The following CFAP99 variants were observed in gnomAD, a reference collection of about 807,000 sequenced individuals.
The protein encoded by CFAP99 is cilia- and flagella-associated protein 99.
CFAP99 carries 84 observed loss-of-function variants against 82.7 expected under a neutral mutation model. The observed-to-expected ratio is 1.02, with a 90% CI of 0.85 to 1.22. CFAP99 has a LOEUF of 1.22. Ranked by LOEUF, CFAP99 falls within the 50% of genes most tolerant of loss-of-function variation. The probability of loss-of-function intolerance (pLI) is 0.00; values close to 1 mark genes in which losing one functional copy is unlikely to be tolerated. For synonymous variants in CFAP99, 456 were observed against 429.5 expected (o/e 1.06, Z -0.76); for missense variants, 1,059 against 983.5 (o/e 1.08, Z -1.03).
At chr4:2,430,198 C>G (rs113565381) in intron 2 of CFAP99, among the ~76,000 whole-genome samples, 1 of 135,220 alleles carries the variant, frequency 7.4e-6, no homozygotes, top group Non-Finnish European at 1.6e-5. Flanking sequence ...ATAAACCAAA[C>G]GGCAGACTCC....
intron 6 of CFAP99, 105 bp from the exon 7 acceptor site, chr4:2,449,565 C>G: frequency 3.0e-6 from 3 of 1,010,670 alleles, no homozygotes; most frequent in Non-Finnish European, 4.4e-6. Flanking sequence ...GCCGCCACCA[C>G]CCTCCCCTTC....
intron 14 of CFAP99, among the ~76,000 whole-genome samples, chr4:2,460,517 C>T (rs1381434932): frequency 2.0e-5 from 3 of 152,224 alleles, no homozygotes; most frequent in Non-Finnish European, 4.4e-5. Context: ...ACCATATGTG[C>T]TTCACGTAGC....
At chr4:2,422,902 G>A (rs967103268) in intron 1 of CFAP99, among the ~76,000 whole-genome samples, 2 of 152,178 alleles carry the variant, frequency 1.3e-5, no homozygotes, top group East Asian at 3.9e-4. Flanking sequence ...AACCTCCTGG[G>A]CTCAAGGGAT....
At chr4:2,427,276 C>T (rs1030971448) in intron 2 of CFAP99, 1 of 153,244 alleles carries the variant, frequency 6.5e-6, no homozygotes, top group East Asian at 1.9e-4. Flanking sequence ...CTCCCTGTCA[C>T]CTGGTCTCAG....
intron 6 of CFAP99, among the ~76,000 whole-genome samples, chr4:2,449,177 G>T (rs1011849497): frequency 1.3e-5 from 2 of 151,960 alleles, no homozygotes; most frequent in African/African-American, 4.8e-5. Context: ...CCATATTATC[G>T]GAGCCTCCTG....
intron 8 of CFAP99, 189 bp downstream of exon 8, chr4:2,450,194 C>A: frequency 1.6e-6 from 1 of 622,340 alleles, no homozygotes; most frequent in Non-Finnish European, 2.9e-6. Flanking sequence ...CCTAAGCAGG[C>A]GGGTGTAGAC....
At chr4:2,458,972 C>G in intron 12 of CFAP99, 108 bp downstream of exon 12, 2 of 1,450,396 alleles carry the variant, frequency 1.4e-6, no homozygotes, top group African/African-American at 2.8e-5. Context: ...GGTCAGGGAC[C>G]CCTTGAGGGA....
Position 2,462,579 on chromosome 4 carries a change from C to A in CFAP99, c.1798C>A (p.Pro600Thr). The change falls in exon 15 of 15, where the codon CCG becomes ACG. Residue 600 changes from proline to threonine, a missense_variant. By Grantham distance (38) the Pro-to-Thr change is conservative. Coordinates refer to ENST00000635017, the Ensembl canonical transcript of CFAP99. The surrounding 1 kb of genome is among the most constrained non-coding windows in gnomAD (Gnocchi z 4.1). ...GGCGGCCTTGCTGCACGTGTCGGCG[C>A]CGCGGACCGCGCGCCCCAAGCCCCG... The A allele has an allele frequency of 7.0e-7, 1 of 1,430,654 alleles. No individual in the cohort carries two copies. The highest frequency in any genetic ancestry group is 1.4e-5 in the South Asian group (1 of 71,368). 88.6% of individuals were successfully genotyped at this position (1,430,654 alleles called of 1,614,324 possible). A position where few individuals can be genotyped will look rare whatever the true frequency, so the allele number is the denominator to read the frequency against.
At chr4:2,458,259 T>C (rs1734482095) in intron 11 of CFAP99, among the ~76,000 whole-genome samples, 1 of 152,248 alleles carries the variant, frequency 6.6e-6, no homozygotes, top group African/African-American at 2.4e-5. Flanking sequence ...CACAACGTAT[T>C]ACCAAGTTTT....
intron 2 of CFAP99, 39 bp from the exon 3 acceptor site, chr4:2,436,835 G>A (rs1171810438): frequency 2.4e-5 from 33 of 1,357,574 alleles, no homozygotes; most frequent in Admixed American, 6.5e-5. Flanking sequence ...CTTTCCTCCC[G>A]GCCCAGCCAG....
chr4:2,460,069 C>A (rs753751427), exon 14 of CFAP99: 1 of 1,536,048 alleles, frequency 6.5e-7, no homozygotes, highest in Non-Finnish European at 8.7e-7. Context: ...GAGAGATGTC[C>A]ATAGTGGAGC....
chr4:2,453,636 A>C (rs2792624), intron 11 of CFAP99, among the ~76,000 whole-genome samples: 1 of 135,170 alleles, frequency 7.4e-6, no homozygotes, highest in Non-Finnish European at 1.6e-5. Flanking sequence ...AATTTGAGCA[A>C]ATGTCCACAT....
At chr4:2,436,639 CTCA>C (rs74644444) in intron 2 of CFAP99, among the ~76,000 whole-genome samples, 47,459 of 151,964 alleles carry the variant, frequency 0.31, 8,334 homozygotes, top group East Asian at 0.52. Flanking sequence ...CTTGCACTGC[CTCA>C]TCATCTTCGT....
intron 2 of CFAP99, among the ~76,000 whole-genome samples, chr4:2,429,792 T>A (rs549208526): frequency 1.3e-5 from 2 of 152,100 alleles, no homozygotes; most frequent in Non-Finnish European, 2.9e-5. Flanking sequence ...GGGGTTTCAC[T>A]GTGTTAGCCA....
intron 2 of CFAP99, among the ~76,000 whole-genome samples, chr4:2,431,347 C>T (rs1185279421): frequency 6.7e-6 from 1 of 148,248 alleles, no homozygotes; most frequent in Admixed American, 6.8e-5. Context: ...CAAGCCTGGG[C>T]GACAGAGCAA....
chr4:2,462,765 G>A lies in CFAP99; in HGVS notation c.1984G>A (p.Gly662Ser). The stretch of plus-strand genomic sequence containing the variant: ...ATACGCAGCGGCGGGCGCGGGAGGC[G>A]GTGGGGGCGTCCCTGCCCGCGCCGA... Residue 662 changes from glycine (G) to serine (S), a missense_variant, in exon 15 of 15, where the codon GGT becomes AGT. Gly to Ser is a moderately conservative substitution (Grantham distance 56, BLOSUM62 0). Coordinates refer to ENST00000635017, the Ensembl canonical transcript of CFAP99. This position sits in a 1 kb window ranked among gnomAD's most constrained non-coding sequence, Gnocchi z 4.1. 4.0e-6 allele frequency: 5 copies of A among 1,256,250 alleles called. No individual in the cohort carries two copies. The highest frequency in any genetic ancestry group is 3.1e-5 in the African/African-American group (2 of 63,626). 77.8% of individuals were successfully genotyped at this position (1,256,250 alleles called of 1,614,324 possible).
At chr4:2,438,302 G>T in intron 4 of CFAP99, 138 bp downstream of exon 4, 1 of 610,310 alleles carries the variant, frequency 1.6e-6, no homozygotes, top group South Asian at 1.8e-5. Flanking sequence ...TCACTCTGTC[G>T]CCCAGGCTGG....
At chr4:2,444,450 A>C (rs1734118018) in intron 5 of CFAP99, among the ~76,000 whole-genome samples, 1 of 152,162 alleles carries the variant, frequency 6.6e-6, no homozygotes. Flanking sequence ...CATGGCTCTT[A>C]AGGTGAGGGA....
intron 9 of CFAP99, 115 bp from the exon 10 acceptor site, chr4:2,451,149 G>T: frequency 1.4e-6 from 2 of 1,452,004 alleles, no homozygotes; most frequent in South Asian, 2.5e-5. Context: ...CACCCTGGGG[G>T]ATAGGGAAGC....
Sources: gnomAD v4.1 joint callset for allele counts (sites outside exome capture counted in the v4.1 genomes callset) on GRCh38, gnomAD v4.1.1 for gene constraint, Gnocchi (gnomAD v3.1) non-coding constraint, MANE v1.5 for transcripts, NCBI Gene and HGNC (gene_info 2026-07-23, HGNC 2026-07-21) for gene names.